Variants in PML observed in about 807,000 individuals in gnomAD.
The protein encoded by PML is protein PML.
In PML, 28 loss-of-function variants were observed where a neutral mutation model predicts 65.2. The ratio of observed to expected loss-of-function variants is 0.43; its 90% CI spans 0.32 to 0.59. The LOEUF (loss-of-function observed/expected upper bound fraction) is 0.59, where lower values mean the gene tolerates loss of function less well. Ranked by LOEUF, PML falls within the 20% of genes least tolerant of loss-of-function variation. PML has a pLI of 0.08. For missense variants in PML, 1,021 were observed against 1,203.4 expected, an observed-to-expected ratio of 0.85 and a Z score of 2.24; for synonymous variants, 500 against 508.8, an observed-to-expected ratio of 0.98 and a Z score of 0.23.
chr15:73,999,046 G>A (rs76321828), intron 2 of PML, among the ~76,000 whole-genome samples: 1,869 of 152,210 alleles, frequency 0.012, 35 homozygotes, highest in African/African-American at 0.041. Context: ...TAATACATTC[G>A]TACAGTTCAC....
rs758784141 is a variant in PML at position 74,035,243 on chromosome 15, A to T, written c.1710+713A>T. On this transcript the variant is annotated intron_variant, in intron 7 of 8. Transcript: ENST00000268058. This position sits in a 1 kb window ranked among gnomAD's most constrained non-coding sequence, Gnocchi z 4.1. ...ACTCCTCGCCAGCCCACTCCTCGCCAGCCCACTCCTCGCCAGTCCAGTCTC... is the reference window on the plus strand; with the variant it reads ...ACTCCTCGCCAGCCCACTCCTCGCCTGCCCACTCCTCGCCAGTCCAGTCTC... 4 of 1,608,986 alleles carry T rather than the reference A, an allele frequency of 2.5e-6. No individual in the cohort carries two copies. Among genetic ancestry groups the T allele is most frequent in the Non-Finnish European group, 8.5e-7 (1 of 1,176,084 alleles).
At chr15:74,029,924 C>T (rs2071243400) in intron 4 of PML, among the ~76,000 whole-genome samples, 1 of 152,146 alleles carries the variant, frequency 6.6e-6, no homozygotes, top group Non-Finnish European at 1.5e-5. Flanking sequence ...GGTCATCCTC[C>T]TTCTTTTTAA....
chr15:74,038,087 T>C (rs2071614052), intron 7 of PML, among the ~76,000 whole-genome samples: 1 of 152,182 alleles, frequency 6.6e-6, no homozygotes, highest in African/African-American at 2.4e-5. Flanking sequence ...CAACCAGTTA[T>C]TGAGTCTTGT....
intron 4 of PML, among the ~76,000 whole-genome samples, chr15:74,030,024 C>A (rs933847806): frequency 6.6e-6 from 1 of 152,080 alleles, no homozygotes; most frequent in Non-Finnish European, 1.5e-5. Context: ...ATGAGAAGGA[C>A]CCACCGCGGG....
At position 74,033,316 on chromosome 15, in the gene PML, C is replaced by A; in HGVS notation, c.1559C>A (p.Pro520His). The A allele has an allele frequency of 6.2e-7, 1 of 1,614,190 alleles. No individual in the cohort carries two copies. Among genetic ancestry groups the A allele is most frequent in the Non-Finnish European group, 8.5e-7 (1 of 1,180,016 alleles). Residue 520 changes from proline to histidine, a missense_variant, in exon 6 of 9, where the codon CCC (proline) becomes CAC (histidine). By Grantham distance (77) the Pro-to-His change is moderately conservative. Transcript: ENST00000268058. The part of the protein sequence containing the change: ...RPSTSKAVSP[P>H]HLDGPPSPRS... ...AGCACCTCCAAGGCAGTCTCACCAC[C>A]CCACCTGGATGGACCGCCTAGCCCC...
intron 2 of PML, among the ~76,000 whole-genome samples, chr15:74,002,444 CTTTT>C (rs71137368): frequency 1.9e-5 from 2 of 104,760 alleles, no homozygotes; most frequent in Non-Finnish European, 3.6e-5. Flanking sequence ...TCTTTCTTTT[CTTTT>C]TTTTTTTTTT....
intron 2 of PML, among the ~76,000 whole-genome samples, chr15:73,999,814 G>C (rs1005054689): frequency 6.6e-6 from 1 of 151,166 alleles, no homozygotes; most frequent in Non-Finnish European, 1.5e-5. Context: ...CTATCTTTTG[G>C]ATTTAAAAAA....
At position 74,042,318 on chromosome 15, in the gene PML, C is replaced by T. The variant is rs1056808222; in HGVS notation, c.1711-671C>T. On this transcript the variant is annotated intron_variant, in intron 7 of 8. Transcript: ENST00000268058. This position sits in a 1 kb window ranked among gnomAD's most constrained non-coding sequence, Gnocchi z 5.3. ...TCTCACTGCCAAGGACCTGGGTGTCCACCTAGATGTGGCCTTCAGGAGGCC... is the reference window on the plus strand; with the variant it reads ...TCTCACTGCCAAGGACCTGGGTGTCTACCTAGATGTGGCCTTCAGGAGGCC... 2.9e-5 allele frequency: 28 copies of T among 980,148 alleles called. No individual in the cohort carries two copies. The highest frequency in any genetic ancestry group is 6.1e-5 in the Admixed American group (1 of 16,286). 60.7% of individuals were successfully genotyped at this position (980,148 alleles called of 1,614,324 possible).
At chr15:74,036,027 T>C (rs908096093) in intron 7 of PML, 3 of 1,614,064 alleles carry the variant, frequency 1.9e-6, no homozygotes, top group Non-Finnish European at 2.5e-6. Flanking sequence ...CAGCCCATGC[T>C]CTTACAGGCC....
chr15:74,014,864 G>T (rs1224637617), intron 2 of PML, among the ~76,000 whole-genome samples: 1 of 152,196 alleles, frequency 6.6e-6, no homozygotes, highest in Non-Finnish European at 1.5e-5. Flanking sequence ...AAGATGGCAG[G>T]AGAAACAGGG....
chr15:74,047,746 T>G lies in PML; in HGVS notation c.*2738T>G, dbSNP rs943213711. The G allele has an allele frequency of 5.4e-6, 1 of 186,768 alleles. No homozygotes were observed. The highest frequency in any genetic ancestry group is 2.3e-5 in the African/African-American group (1 of 42,784). 11.6% of individuals were successfully genotyped at this position (186,768 alleles called of 1,614,324 possible). A position where few individuals can be genotyped will look rare whatever the true frequency, so the allele number is the denominator to read the frequency against. On this transcript the variant is annotated 3_prime_UTR_variant, in exon 9 of 9. Coordinates refer to ENST00000268058, the MANE Select transcript of PML (RefSeq NM_033238.3). ...TGGTATATTTTAAAAGTGCACAAATTTAAGATCTTACTGCTTTATAAAGTG... is the reference window on the plus strand; with the variant it reads ...TGGTATATTTTAAAAGTGCACAAATGTAAGATCTTACTGCTTTATAAAGTG...
At chr15:74,039,484 A>G (rs1277515806) in intron 7 of PML, among the ~76,000 whole-genome samples, 2 of 152,356 alleles carry the variant, frequency 1.3e-5, no homozygotes, top group Admixed American at 1.3e-4. Context: ...GATAAGCATG[A>G]ATGTCAGATG....
At position 74,032,382 on chromosome 15, in the gene PML, TA is replaced by T. The variant is rs547145352; in HGVS notation, c.1255-183del. The T allele has an allele frequency of 1.5e-3, 978 of 633,196 alleles. 11 individuals carry two copies. In the East Asian group the frequency reaches 0.024, roughly 16 times the overall value. 39.2% of individuals were successfully genotyped at this position (633,196 alleles called of 1,614,324 possible). A position where few individuals can be genotyped will look rare whatever the true frequency, so the allele number is the denominator to read the frequency against. On this transcript the variant is annotated intron_variant, in intron 4 of 8. Transcript: ENST00000268058. The stretch of plus-strand genomic sequence containing the variant: ...CCCTGTCTCTACAAAAAAATTTTTT[TA>T]AAAAAAGGAGGTGATGTGATGGAGA...
In PML at chr15:74,042,360, C is replaced by T. The variant is rs868450226; in HGVS notation, c.1711-629C>T. 132 of 985,316 alleles carry T rather than the reference C, an allele frequency of 1.3e-4. 1 individual carries two copies. The highest frequency in any genetic ancestry group is 4.5e-4 in the African/African-American group (26 of 57,240). 61.0% of individuals were successfully genotyped at this position (985,316 alleles called of 1,614,324 possible). ...CAGGAGGCCAAGCAGTCCTTCCCCTCGCCTTTGTGTAGGACACTGGCACCT... is the reference window on the plus strand; with the variant it reads ...CAGGAGGCCAAGCAGTCCTTCCCCTTGCCTTTGTGTAGGACACTGGCACCT... On this transcript the variant is annotated intron_variant, in intron 7 of 8. Coordinates refer to ENST00000268058, the MANE Select transcript of PML (RefSeq NM_033238.3). This position sits in a 1 kb window ranked among gnomAD's most constrained non-coding sequence, Gnocchi z 5.3.
chr15:74,043,511 C>A lies in PML; in HGVS notation c.1861+372C>A. The A allele has an allele frequency of 2.1e-6, 1 of 481,808 alleles. No individual in the cohort carries two copies. The highest frequency in any genetic ancestry group is 2.7e-6 in the Non-Finnish European group (1 of 369,746). The allele number at this position is 481,808 out of a possible 1,614,324, so 29.8% of individuals were successfully genotyped here. ...AGGCCTCTGGCTGTGCTACACGTTT[C>A]TGAGTAGAGGGCCAATCCCACAGGT... On this transcript the variant is annotated intron_variant, in intron 8 of 8. Transcript: ENST00000268058. This position sits in a 1 kb window ranked among gnomAD's most constrained non-coding sequence, Gnocchi z 4.3.
Position 74,035,445 on chromosome 15 carries a change from G to C in PML, c.1710+915G>C, listed in dbSNP as rs2071507539. On this transcript the variant is annotated intron_variant, in intron 7 of 8. Transcript: ENST00000268058. This position sits in a 1 kb window ranked among gnomAD's most constrained non-coding sequence, Gnocchi z 4.1. ...TGGGATCCGCTACCTGTTGTACAGAGCACAGAGAGCCATCCGCCTTCGCCA... is the reference window on the plus strand; with the variant it reads ...TGGGATCCGCTACCTGTTGTACAGACCACAGAGAGCCATCCGCCTTCGCCA... The C allele has an allele frequency of 6.2e-7, 1 of 1,612,362 alleles. No individual in the cohort carries two copies. The highest frequency in any genetic ancestry group is 2.2e-5 in the East Asian group (1 of 44,850).
chr15:74,014,183 G>C lies in PML; in HGVS notation c.603-8645G>C, dbSNP rs952384102. 1.3e-5 allele frequency among the ~76,000 whole-genome samples: 2 copies of C among 152,196 alleles called. 1 individual carries two copies. Among genetic ancestry groups the C allele is most frequent in the Admixed American group, 1.3e-4 (2 of 15,282 alleles). Reference sequence around the variant, plus strand: ...GACCAGAGGCAGGGAGGCCTCTTAGGACATCGTGCTCAAGGAGATAAGCAA... The same window carrying C: ...GACCAGAGGCAGGGAGGCCTCTTAGCACATCGTGCTCAAGGAGATAAGCAA... On this transcript the variant is annotated intron_variant, in intron 2 of 8. Transcript: ENST00000268058.
At chr15:74,034,918 C>T (rs1179429922) in intron 7 of PML, 3 of 1,441,064 alleles carry the variant, frequency 2.1e-6, no homozygotes, top group East Asian at 5.0e-5. Flanking sequence ...GAAGGGGTGT[C>T]AGGCCACAGG....
chr15:74,040,309 C>T (rs1346672390), intron 7 of PML, among the ~76,000 whole-genome samples: 1 of 152,208 alleles, frequency 6.6e-6, no homozygotes, highest in African/African-American at 2.4e-5. Context: ...AGCTTTCCCC[C>T]TTGATTCCCG....
Sources: gnomAD v4.1 joint callset for allele counts (sites outside exome capture counted in the v4.1 genomes callset) on GRCh38, gnomAD v4.1.1 for gene constraint, Gnocchi (gnomAD v3.1) non-coding constraint, MANE v1.5 for transcripts, NCBI Gene and HGNC (gene_info 2026-07-23, HGNC 2026-07-21) for gene names.